The following PIP4K2B variants were observed in gnomAD, a reference collection of about 807,000 sequenced individuals.
PIP4K2B encodes the protein phosphatidylinositol 5-phosphate 4-kinase type-2 beta.
PIP4K2B carries 3 observed loss-of-function variants against 42.0 expected under a neutral mutation model. The ratio of observed to expected loss-of-function variants is 0.07; its 90% CI spans 0.03 to 0.18. PIP4K2B has a LOEUF of 0.18. Among genes scored for constraint, PIP4K2B ranks in the 10% least tolerant of loss-of-function variants. The probability of loss-of-function intolerance (pLI) is 1.00; values close to 1 mark genes in which losing one functional copy is unlikely to be tolerated. For synonymous variants in PIP4K2B, 204 were observed against 210.1 expected, an observed-to-expected ratio of 0.97 and a Z score of 0.25; for missense variants, 332 against 562.3, an observed-to-expected ratio of 0.59 and a Z score of 4.14.
At chr17:38,775,233 G>A (rs1217815582) in intron 7 of PIP4K2B, among the ~76,000 whole-genome samples, 5 of 152,082 alleles carry the variant, frequency 3.3e-5, no homozygotes, top group Non-Finnish European at 5.9e-5. Context: ...GATTACAAGC[G>A]TGAGCCACCG....
chr17:38,795,507 C>A (rs1910608487), intron 1 of PIP4K2B, among the ~76,000 whole-genome samples: 1 of 152,036 alleles, frequency 6.6e-6, no homozygotes, highest in Non-Finnish European at 1.5e-5. Context: ...TCCCAGCACT[C>A]TGGGAAGCCA....
In PIP4K2B at chr17:38,770,025, C is replaced by T. The variant is rs117155091; in HGVS notation, c.1171-254G>A. Among the ~76,000 whole-genome samples, 212 of 152,250 alleles carry T rather than the reference C, an allele frequency of 1.4e-3. 1 individual carries two copies. The highest frequency in any genetic ancestry group is 2.1e-3 in the South Asian group (10 of 4,820). On this transcript the variant is annotated intron_variant, in intron 9 of 9. Coordinates refer to ENST00000619039, the MANE Select transcript of PIP4K2B (RefSeq NM_003559.5). Reference sequence around the variant, plus strand: ...GAAAGGCAGTGGGGAGGTGGCAACGCGGCTCTGGATCTCTGTGGGGGCCAC... The same window carrying T: ...GAAAGGCAGTGGGGAGGTGGCAACGTGGCTCTGGATCTCTGTGGGGGCCAC...
chr17:38,777,936 C>T (rs1909457570), intron 6 of PIP4K2B, 136 bp from the exon 7 acceptor site: 4 of 662,042 alleles, frequency 6.0e-6, no homozygotes, highest in Non-Finnish European at 8.1e-6. Flanking sequence ...CCTGCTAAAT[C>T]AGCAGTGCAG....
chr17:38,797,451 G>A lies in PIP4K2B; in HGVS notation c.159+1815C>T, dbSNP rs544595015. On this transcript the variant is annotated intron_variant, in intron 1 of 9. Coordinates refer to ENST00000619039, the MANE Select transcript of PIP4K2B (RefSeq NM_003559.5). ...GGCTGAGGGAGAGGAAAAGAAACAGGAGGCAAAGAAAACAAGACCAGCCAC... is the reference window on the plus strand; with the variant it reads ...GGCTGAGGGAGAGGAAAAGAAACAGAAGGCAAAGAAAACAAGACCAGCCAC... Among the ~76,000 whole-genome samples the A allele has an allele frequency of 1.5e-3, 223 of 152,268 alleles. 1 individual carries two copies. The highest frequency in any genetic ancestry group is 4.1e-3 in the Admixed American group (63 of 15,290).
rs149504932 is a variant in PIP4K2B at position 38,791,741 on chromosome 17, C to T, written c.160-4821G>A. The stretch of plus-strand genomic sequence containing the variant: ...CAAATTTCTATTCAATTTACTTCTA[C>T]TCAGTGTATTAAGGGCCTTACTATA... On this transcript the variant is annotated intron_variant, in intron 1 of 9. Coordinates refer to ENST00000619039, the MANE Select transcript of PIP4K2B (RefSeq NM_003559.5). Among the ~76,000 whole-genome samples the T allele has an allele frequency of 3.1e-4, 47 of 149,324 alleles. 1 individual carries two copies. In the East Asian group the frequency reaches 9.2e-3, roughly 29 times the overall value.
chr17:38,777,587 C>T (rs1017329339), intron 7 of PIP4K2B, 100 bp downstream of exon 7: 3 of 825,340 alleles, frequency 3.6e-6, no homozygotes, highest in Non-Finnish European at 6.3e-6. Flanking sequence ...TTTGTCCATA[C>T]TCCTGGAAAG....
intron 7 of PIP4K2B, among the ~76,000 whole-genome samples, chr17:38,773,760 G>A (rs1909170401): frequency 6.6e-6 from 1 of 152,166 alleles, no homozygotes; most frequent in Admixed American, 6.5e-5. Flanking sequence ...AGGGAGGGAT[G>A]CCACTCTGAG....
At chr17:38,795,861 G>A (rs371863408) in intron 1 of PIP4K2B, among the ~76,000 whole-genome samples, 6 of 150,936 alleles carry the variant, frequency 4.0e-5, no homozygotes, top group African/African-American at 7.3e-5. Flanking sequence ...CAATGAGGCC[G>A]GGTGCGATGG....
intron 1 of PIP4K2B, among the ~76,000 whole-genome samples, chr17:38,795,099 C>CAAAAAAAAAAAAAAAAAAAAAAAAAAA (rs61707682): frequency 4.8e-5 from 2 of 41,496 alleles, no homozygotes; most frequent in African/African-American, 8.5e-5. Context: ...AACTCCATCT[C>CAAAAAAAAAAAAAAAAAAAAAAAAAAA]AAAAAAAAAA....
At position 38,769,598 on chromosome 17, in the gene PIP4K2B, C is replaced by A; in HGVS notation, c.*93G>T. 1 of 802,512 alleles carries A rather than the reference C, an allele frequency of 1.2e-6. No individual in the cohort carries two copies. Among genetic ancestry groups the A allele is most frequent in the Non-Finnish European group, 2.3e-6 (1 of 441,356 alleles). 49.7% of individuals were successfully genotyped at this position (802,512 alleles called of 1,614,324 possible). A position where few individuals can be genotyped will look rare whatever the true frequency, so the allele number is the denominator to read the frequency against. ...CCTCCCAAACCCGACTCTGCTCCCA[C>A]CCTCCCATCTAGCCCAAATACACCC... is the stretch of plus-strand genomic sequence containing the variant. On this transcript the variant is annotated 3_prime_UTR_variant, in exon 10 of 10. Transcript: ENST00000619039.
At chr17:38,788,127 T>C (rs954463127) in intron 1 of PIP4K2B, among the ~76,000 whole-genome samples, 1 of 152,198 alleles carries the variant, frequency 6.6e-6, no homozygotes, top group African/African-American at 2.4e-5. Context: ...GAAAAAAAGC[T>C]GGATGGGTTT....
At chr17:38,793,947 G>A (rs1910482703) in intron 1 of PIP4K2B, among the ~76,000 whole-genome samples, 2 of 151,604 alleles carry the variant, frequency 1.3e-5, no homozygotes, top group Admixed American at 6.6e-5. Flanking sequence ...GAATGTAGGA[G>A]AGAAATTGAG....
At chr17:38,779,726 G>C in intron 4 of PIP4K2B, 197 bp from the exon 5 acceptor site, 1 of 541,098 alleles carries the variant, frequency 1.8e-6, no homozygotes, top group Non-Finnish European at 3.3e-6. Context: ...GCCTCCTGTT[G>C]GCATGGCAGA....
At chr17:38,785,580 G>C (rs1909963130) in intron 2 of PIP4K2B, among the ~76,000 whole-genome samples, 1 of 152,180 alleles carries the variant, frequency 6.6e-6, no homozygotes, top group Non-Finnish European at 1.5e-5. Context: ...TCAGGAGCCT[G>C]AGGCAGCAGA....
intron 3 of PIP4K2B, among the ~76,000 whole-genome samples, chr17:38,782,351 C>T (rs1047371178): frequency 3.3e-5 from 5 of 152,204 alleles, no homozygotes; most frequent in Admixed American, 2.0e-4. Context: ...CACGGGCATG[C>T]GCCCACAAGG....
intron 7 of PIP4K2B, chr17:38,776,583 G>C: frequency 2.4e-6 from 1 of 419,140 alleles, no homozygotes. Flanking sequence ...CCGAGATCGT[G>C]CCACTGCACT....
Position 38,779,647 on chromosome 17 carries a change from A to G in PIP4K2B, c.508-118T>C, listed in dbSNP as rs966085782. On this transcript the variant is annotated intron_variant, in intron 4 of 9. Coordinates refer to ENST00000619039, the MANE Select transcript of PIP4K2B (RefSeq NM_003559.5). ...CTGGGATTCTAACCTCTAGACCAGT[A>G]GTTCTCCAGCTGGGTTCTATGAAGT... 3 of 837,784 alleles carry G rather than the reference A, an allele frequency of 3.6e-6. No homozygotes were observed. The African/African-American group carries it at 5.1e-5, about 14-fold the overall frequency. 51.9% of individuals were successfully genotyped at this position (837,784 alleles called of 1,614,324 possible). A position where few individuals can be genotyped will look rare whatever the true frequency, so the allele number is the denominator to read the frequency against.
In PIP4K2B at chr17:38,769,637, C is replaced by T; in HGVS notation, c.*54G>A. On this transcript the variant is annotated 3_prime_UTR_variant, in exon 10 of 10. Coordinates refer to ENST00000619039, the MANE Select transcript of PIP4K2B (RefSeq NM_003559.5). ...CCAAATACACCCTTCTCCCTAACTC[C>T]CGATCCCCGACCCCATATCCAGCTC... is the stretch of plus-strand genomic sequence containing the variant. The T allele has an allele frequency of 9.2e-7, 1 of 1,083,312 alleles. No individual in the cohort carries two copies. Among genetic ancestry groups the T allele is most frequent in the Non-Finnish European group, 1.4e-6 (1 of 694,900 alleles). The allele number at this position is 1,083,312 out of a possible 1,614,324, so 67.1% of individuals were successfully genotyped here. A position where few individuals can be genotyped will look rare whatever the true frequency, so the allele number is the denominator to read the frequency against.
chr17:38,767,195 G>A lies in PIP4K2B; in HGVS notation c.*2496C>T, dbSNP rs1049073839. ...AGAATGGCGGGACCCAAGGAGGAAA[G>A]AGTGGGGGCAGACAACGCTTGGGGG... On this transcript the variant is annotated 3_prime_UTR_variant, in exon 10 of 10. Coordinates refer to ENST00000619039, the MANE Select transcript of PIP4K2B (RefSeq NM_003559.5). 6.6e-6 allele frequency: 1 copy of A among 152,224 alleles called. No homozygotes were observed. The highest frequency in any genetic ancestry group is 2.4e-5 in the African/African-American group (1 of 41,458). 9.4% of individuals were successfully genotyped at this position (152,224 alleles called of 1,614,324 possible).
Sources: gnomAD v4.1 joint callset for allele counts (sites outside exome capture counted in the v4.1 genomes callset) on GRCh38, gnomAD v4.1.1 for gene constraint, MANE v1.5 for transcripts, NCBI Gene and HGNC (gene_info 2026-07-23, HGNC 2026-07-21) for gene names.